The following GPHN variants were observed in gnomAD, a reference collection of about 807,000 sequenced individuals.
The protein encoded by GPHN is gephyrin.
GPHN carries 17 observed loss-of-function variants against 95.5 expected under a neutral mutation model. The ratio of observed to expected loss-of-function variants is 0.18; its 90% CI spans 0.12 to 0.27. The LOEUF is 0.27. GPHN is among the 10% of genes least tolerant of loss of function. The probability of loss-of-function intolerance (pLI) is 1.00; values close to 1 mark genes in which losing one functional copy is unlikely to be tolerated. For missense variants in GPHN, 660 were observed against 978.1 expected (o/e 0.67, Z 4.34); for synonymous variants, 320 against 322.5 (o/e 0.99, Z 0.08).
the GPHN span, among the ~76,000 whole-genome samples, chr14:67,566,613 T>C: frequency 6.6e-5 from 10 of 152,202 alleles, no homozygotes; most frequent in South Asian, 2.1e-3. Context: ...CTGAGCATGG[T>C]GGCACATGCC....
intron 1 of GPHN, among the ~76,000 whole-genome samples, chr14:66,642,581 G>A (rs1360227532): frequency 6.8e-6 from 1 of 146,592 alleles, no homozygotes; most frequent in Admixed American, 6.9e-5. Context: ...TTTGAAACTG[G>A]GAGTAGAAAA....
At chr14:67,670,567 C>CTT in the GPHN span, among the ~76,000 whole-genome samples, 2 of 148,148 alleles carry the variant, frequency 1.3e-5, no homozygotes, top group African/African-American at 5.0e-5. Flanking sequence ...GGTTTGTTAC[C>CTT]TTTTTTTTTT....
chr14:67,253,810 C>T, the GPHN span, among the ~76,000 whole-genome samples: 1 of 150,466 alleles, frequency 6.6e-6, no homozygotes, highest in East Asian at 1.9e-4. Context: ...TGCTGCTCTT[C>T]AGTCTGGGCA....
At chr14:67,205,870 GA>G in the GPHN span, among the ~76,000 whole-genome samples, 1 of 152,194 alleles carries the variant, frequency 6.6e-6, no homozygotes, top group South Asian at 2.1e-4. Flanking sequence ...GACTACTGCT[GA>G]AAAACTTCCT....
At chr14:67,481,097 C>T in the GPHN span, among the ~76,000 whole-genome samples, 5 of 151,936 alleles carry the variant, frequency 3.3e-5, no homozygotes, top group Non-Finnish European at 7.4e-5. Context: ...TCGAGACCAG[C>T]CTGGGCAACA....
chr14:67,325,979 C>CTTTTTTTTTTTT, the GPHN span, among the ~76,000 whole-genome samples: 401 of 110,158 alleles, frequency 3.6e-3, no homozygotes, highest in African/African-American at 0.01. Flanking sequence ...CGGCTCTTTT[C>CTTTTTTTTTTTT]TTTTTTTTTT....
At chr14:67,272,430 G>C in the GPHN span, among the ~76,000 whole-genome samples, 1 of 152,154 alleles carries the variant, frequency 6.6e-6, no homozygotes, top group African/African-American at 2.4e-5. Context: ...TACTTCTGGA[G>C]TTGTAATGAG....
At chr14:67,548,400 A>C in the GPHN span, among the ~76,000 whole-genome samples, 1 of 152,182 alleles carries the variant, frequency 6.6e-6, no homozygotes, top group Non-Finnish European at 1.5e-5. Flanking sequence ...TGAGGGTATT[A>C]ATAAAAGAAG....
intron 4 of GPHN, among the ~76,000 whole-genome samples, chr14:66,879,406 T>C (rs1392917074): frequency 6.7e-6 from 1 of 150,352 alleles, no homozygotes; most frequent in East Asian, 2.0e-4. Flanking sequence ...TAATTTACAC[T>C]AAAGATTAGG....
chr14:67,700,015 C>A, the GPHN span, among the ~76,000 whole-genome samples: 1 of 151,952 alleles, frequency 6.6e-6, no homozygotes, highest in African/African-American at 2.4e-5. Context: ...TGGTGCGCAC[C>A]TGTAGTCCCA....
intron 11 of GPHN, among the ~76,000 whole-genome samples, chr14:67,084,384 G>GC (rs780764241): frequency 6.6e-5 from 10 of 151,880 alleles, no homozygotes; most frequent in Non-Finnish European, 1.2e-4. Flanking sequence ...TGTCTAAAAC[G>GC]CCCCCCTCTC....
intron 10 of GPHN, among the ~76,000 whole-genome samples, chr14:67,029,017 A>C (rs2153629639): frequency 6.6e-6 from 1 of 152,180 alleles, no homozygotes; most frequent in Non-Finnish European, 1.5e-5. Context: ...TAAGTATTTA[A>C]TCTATTTTCA....
At chr14:67,171,415 A>G (rs569673780) in intron 21 of GPHN, among the ~76,000 whole-genome samples, 34 of 152,092 alleles carry the variant, frequency 2.2e-4, no homozygotes, top group Admixed American at 9.2e-4. Context: ...ACACAATCCT[A>G]GCAATTCATC....
chr14:67,199,740 C>A, the GPHN span: 479 of 1,566,636 alleles, frequency 3.1e-4, 1 homozygote, highest in Non-Finnish European at 4.0e-4. Context: ...GTGGTATCAT[C>A]ATTGGGGTCT....
chr14:67,508,766 A>AAAAAAAAAAAAAAAAAAAAC, the GPHN span, among the ~76,000 whole-genome samples: 2 of 150,780 alleles, frequency 1.3e-5, no homozygotes, highest in Admixed American at 6.6e-5. Context: ...AAAAAAAAAA[A>AAAAAAAAAAAAAAAAAAAAC]AAAAACAGAA....
intron 10 of GPHN, among the ~76,000 whole-genome samples, chr14:67,038,593 A>G (rs1240079337): frequency 6.6e-6 from 1 of 152,148 alleles, no homozygotes; most frequent in Non-Finnish European, 1.5e-5. Context: ...ATGTGTAACA[A>G]GTGAATTACT....
chr14:66,639,791 A>G (rs993994064), intron 1 of GPHN, among the ~76,000 whole-genome samples: 9 of 152,086 alleles, frequency 5.9e-5, no homozygotes, highest in African/African-American at 2.2e-4. Context: ...TATAAAATTT[A>G]TATATCTAAA....
chr14:66,523,496 G>A (rs1007501390), intron 1 of GPHN, among the ~76,000 whole-genome samples: 2 of 152,024 alleles, frequency 1.3e-5, no homozygotes, highest in Non-Finnish European at 2.9e-5. Context: ...TGTAAAATAA[G>A]ACATAATACC....
chr14:66,739,970 T>C (rs1433298443), intron 2 of GPHN, among the ~76,000 whole-genome samples: 1 of 151,998 alleles, frequency 6.6e-6, no homozygotes, highest in East Asian at 1.9e-4. Context: ...AAACAAATAA[T>C]CTAAATTTAA....
Sources: gnomAD v4.1 joint callset for allele counts (sites outside exome capture counted in the v4.1 genomes callset) on GRCh38, gnomAD v4.1.1 for gene constraint, MANE v1.5 for transcripts, NCBI Gene and HGNC (gene_info 2026-07-23, HGNC 2026-07-21) for gene names.